The following HCFC2 variants were observed in gnomAD, a reference collection of about 807,000 sequenced individuals.
The protein encoded by HCFC2 is host cell factor 2.
HCFC2 carries 18 observed loss-of-function variants against 89.2 expected under a neutral mutation model. The ratio of observed to expected loss-of-function variants is 0.20; its 90% CI spans 0.14 to 0.30. The LOEUF is 0.30. Ranked by LOEUF, HCFC2 falls within the 10% of genes least tolerant of loss-of-function variation. HCFC2 has a pLI of 1.00. For missense variants in HCFC2, 578 were observed against 956.1 expected, an observed-to-expected ratio of 0.60 and a Z score of 5.21; for synonymous variants, 308 against 335.7, an observed-to-expected ratio of 0.92 and a Z score of 0.90.
Position 104,103,432 on chromosome 12 carries a change from C to T in HCFC2, c.*159C>T. On this transcript the variant is annotated 3_prime_UTR_variant, in exon 15 of 15. Transcript: ENST00000229330. ...AAATGTATTTGCTGAATTATAGATCCAAATAAAAGAAAAGAAGCAAAGACT... is the reference window on the plus strand; with the variant it reads ...AAATGTATTTGCTGAATTATAGATCTAAATAAAAGAAAAGAAGCAAAGACT... The T allele has an allele frequency of 3.3e-6, 2 of 608,882 alleles. No homozygotes were observed. Among genetic ancestry groups the T allele is most frequent in the South Asian group, 5.0e-5 (2 of 40,034 alleles). The allele number at this position is 608,882 out of a possible 1,614,324, so 37.7% of individuals were successfully genotyped here.
intron 2 of HCFC2, among the ~76,000 whole-genome samples, chr12:104,067,393 C>G (rs976924268): frequency 5.9e-5 from 9 of 152,342 alleles, no homozygotes; most frequent in African/African-American, 2.2e-4. Context: ...TCTTCCTGAT[C>G]TGTGCCTTAT....
chr12:104,092,736 T>G (rs1469773716), intron 9 of HCFC2, among the ~76,000 whole-genome samples: 1 of 152,158 alleles, frequency 6.6e-6, no homozygotes, highest in Admixed American at 6.5e-5. Context: ...ATCACACCAT[T>G]GTACTCCAGC....
intron 9 of HCFC2, among the ~76,000 whole-genome samples, chr12:104,091,751 C>T (rs1003249550): frequency 6.6e-6 from 1 of 152,150 alleles, no homozygotes; most frequent in South Asian, 2.1e-4. Flanking sequence ...GGCTACCTGG[C>T]TGTAGGTGTA....
At chr12:104,089,149 C>T (rs992541703) in intron 9 of HCFC2, among the ~76,000 whole-genome samples, 2 of 152,104 alleles carry the variant, frequency 1.3e-5, no homozygotes, top group Non-Finnish European at 2.9e-5. Flanking sequence ...CCTGCGAATA[C>T]TGTATTTTCC....
chr12:104,088,971 C>T (rs1593605485), intron 9 of HCFC2, among the ~76,000 whole-genome samples: 1 of 152,196 alleles, frequency 6.6e-6, no homozygotes, highest in South Asian at 2.1e-4. Flanking sequence ...TTTAAACTAT[C>T]GTAGCTTTCT....
At chr12:104,087,498 C>T (rs1024707831) in intron 8 of HCFC2, among the ~76,000 whole-genome samples, 33 of 145,220 alleles carry the variant, frequency 2.3e-4, no homozygotes, top group Admixed American at 1.3e-3. Flanking sequence ...TATATATATA[C>T]ACACATACAC....
At chr12:104,102,674 T>C (rs1565817275) in intron 14 of HCFC2, among the ~76,000 whole-genome samples, 1 of 152,240 alleles carries the variant, frequency 6.6e-6, no homozygotes, top group Admixed American at 6.5e-5. Context: ...TTTATCCTAA[T>C]GTCCTGTCCC....
Position 104,064,830 on chromosome 12 carries a change from T to G in HCFC2, c.163+107T>G. 5 of 1,036,486 alleles carry G rather than the reference T, an allele frequency of 4.8e-6. No homozygotes were observed. Among genetic ancestry groups the G allele is most frequent in the Non-Finnish European group, 3.9e-6 (3 of 769,354 alleles). 64.2% of individuals were successfully genotyped at this position (1,036,486 alleles called of 1,614,324 possible). On this transcript the variant is annotated intron_variant, in intron 1 of 14. Transcript: ENST00000229330. The surrounding 1 kb of genome is among the most constrained non-coding windows in gnomAD (Gnocchi z 7.3). ...ACAGCTGTCACCGCCCGGTCACTGC[T>G]TCCTTGGGCGGGCGGCGGGGAGCGC...
At chr12:104,080,664 G>GT in intron 4 of HCFC2, 82 bp from the exon 5 acceptor site, 1 of 798,540 alleles carries the variant, frequency 1.3e-6, no homozygotes, top group Non-Finnish European at 2.0e-6. Context: ...GTAAGTCCTT[G>GT]TTTTATTTTT....
chr12:104,073,291 G>C (rs2700499), intron 3 of HCFC2, among the ~76,000 whole-genome samples: 1 of 151,122 alleles, frequency 6.6e-6, no homozygotes, highest in South Asian at 2.1e-4. Context: ...CAGCCTCCCA[G>C]GTAGCTGGGA....
In HCFC2 at chr12:104,100,282, T is replaced by C. The variant is rs572119481; in HGVS notation, c.1879-1686T>C. ...AAATAGATAACAGCTCCAAAGCACATTGGAAAAATTTATGAAGGCCAGGTG... is the reference window on the plus strand; with the variant it reads ...AAATAGATAACAGCTCCAAAGCACACTGGAAAAATTTATGAAGGCCAGGTG... On this transcript the variant is annotated intron_variant, in intron 13 of 14. Transcript: ENST00000229330. 1.8e-4 allele frequency among the ~76,000 whole-genome samples: 28 copies of C among 152,144 alleles called. No individual in the cohort carries two copies. The South Asian group carries it at 5.4e-3, about 29-fold the overall frequency.
At chr12:104,078,962 T>G (rs1366449852) in intron 3 of HCFC2, among the ~76,000 whole-genome samples, 1 of 152,156 alleles carries the variant, frequency 6.6e-6, no homozygotes, top group Non-Finnish European at 1.5e-5. Context: ...ACATGGTGGC[T>G]CAGGATTCCA....
At chr12:104,099,004 G>GA (rs565858753) in intron 13 of HCFC2, among the ~76,000 whole-genome samples, 41 of 138,576 alleles carry the variant, frequency 3.0e-4, no homozygotes, top group South Asian at 6.8e-4. Flanking sequence ...CATCTAAAAA[G>GA]AAAAAAAAAA....
At chr12:104,099,017 G>T (rs1239184457) in intron 13 of HCFC2, among the ~76,000 whole-genome samples, 3 of 151,556 alleles carry the variant, frequency 2.0e-5, no homozygotes, top group African/African-American at 7.3e-5. Flanking sequence ...AAAAAAAAAA[G>T]AAATATCTGA....
At chr12:104,093,602 A>G in intron 10 of HCFC2, 39 bp downstream of exon 10, 6 of 1,513,618 alleles carry the variant, frequency 4.0e-6, no homozygotes, top group African/African-American at 1.4e-5. Context: ...TTTTTATAAA[A>G]TCGGTGGGGA....
chr12:104,096,370 A>G lies in HCFC2; in HGVS notation c.1677A>G (p.Thr559=), dbSNP rs768137806. 6.2e-7 allele frequency: 1 copy of G among 1,602,570 alleles called. No individual in the cohort carries two copies. The highest frequency in any genetic ancestry group is 8.5e-7 in the Non-Finnish European group (1 of 1,172,272). Residue 559 remains threonine, a synonymous_variant, in exon 12 of 15, where the codon ACA becomes ACG. Coordinates refer to ENST00000229330, the MANE Select transcript of HCFC2 (RefSeq NM_013320.3). ...TTGTTTAATTTTTAGTTGATGAAAC[A>G]TATGCACTGCCTGCAACGAAGATCA... ...TFSTKSEVDE[T]YALPATKISR...
At chr12:104,066,097 A>G in intron 1 of HCFC2, 70 bp from the exon 2 acceptor site, 2 of 1,420,878 alleles carry the variant, frequency 1.4e-6, no homozygotes, top group African/African-American at 1.4e-5. Context: ...TATTGATGAT[A>G]TATATTTGCT....
intron 2 of HCFC2, among the ~76,000 whole-genome samples, chr12:104,067,325 C>A (rs2136590843): frequency 6.6e-6 from 1 of 152,280 alleles, no homozygotes; most frequent in East Asian, 1.9e-4. Flanking sequence ...TAACAGTTTC[C>A]CATAACCTTT....
At chr12:104,089,831 A>G (rs1372286929) in intron 9 of HCFC2, among the ~76,000 whole-genome samples, 2 of 152,062 alleles carry the variant, frequency 1.3e-5, no homozygotes, top group African/African-American at 4.8e-5. Context: ...TCACTTGCTT[A>G]GTTTTCTTCT....
Sources: gnomAD v4.1 joint callset for allele counts (sites outside exome capture counted in the v4.1 genomes callset) on GRCh38, gnomAD v4.1.1 for gene constraint, Gnocchi (gnomAD v3.1) non-coding constraint, MANE v1.5 for transcripts, NCBI Gene and HGNC (gene_info 2026-07-23, HGNC 2026-07-21) for gene names.